Variants in ITIH2 observed in about 807,000 individuals in gnomAD.
The protein encoded by ITIH2 is inter-alpha-trypsin inhibitor heavy chain 2.
ITIH2 carries 103 observed loss-of-function variants against 104.4 expected under a neutral mutation model. The observed-to-expected ratio is 0.99, with a 90% CI of 0.84 to 1.16. ITIH2 has a LOEUF of 1.16. Among genes scored for constraint, ITIH2 ranks in the 50% most tolerant of loss-of-function variants. The pLI is 0.00. For synonymous variants in ITIH2, 436 were observed against 435.4 expected (o/e 1.00, Z -0.02); for missense variants, 1,108 against 1,162.4 (o/e 0.95, Z 0.68).
At chr10:7,725,327 A>G (rs554403444) in intron 9 of ITIH2, among the ~76,000 whole-genome samples, 1 of 152,338 alleles carries the variant, frequency 6.6e-6, no homozygotes, top group Admixed American at 6.5e-5. Flanking sequence ...AGTTGTGCAG[A>G]TATCTAAGGG....
At chr10:7,724,087 T>C (rs1834930658) in intron 9 of ITIH2, among the ~76,000 whole-genome samples, 1 of 152,212 alleles carries the variant, frequency 6.6e-6, no homozygotes, top group African/African-American at 2.4e-5. Flanking sequence ...GAGCTCAATA[T>C]AGGCTTACTT....
chr10:7,738,565 C>G (rs1588460571), intron 15 of ITIH2, 56 bp from the exon 16 acceptor site: 15 of 1,596,734 alleles, frequency 9.4e-6, no homozygotes, highest in Non-Finnish European at 1.3e-5. Flanking sequence ...ACATGGTGAG[C>G]AATTTCCGTG....
intron 5 of ITIH2, among the ~76,000 whole-genome samples, chr10:7,715,729 GCTTA>G (rs1834842390): frequency 6.6e-6 from 1 of 152,164 alleles, no homozygotes; most frequent in Non-Finnish European, 1.5e-5. Context: ...ATCTCACCTT[GCTTA>G]CTTATTTATT....
chr10:7,705,574 C>A (rs1834738900), intron 2 of ITIH2, among the ~76,000 whole-genome samples: 1 of 151,856 alleles, frequency 6.6e-6, no homozygotes, highest in South Asian at 2.1e-4. Context: ...AGCTGGCATG[C>A]ACCTGTAATC....
rs1835141728 is a variant in ITIH2 at position 7,743,035 on chromosome 10, G to A, written c.2096-111G>A. ...GAGGAGTACCGAGCATGTAGGAGAA[G>A]CACAATAAATATTTGTTCTGATTAA... On this transcript the variant is annotated intron_variant, in intron 16 of 20. Coordinates refer to ENST00000358415, the MANE Select transcript of ITIH2 (RefSeq NM_002216.3). The A allele has an allele frequency of 6.1e-6, 4 of 655,456 alleles. No homozygotes were observed. In the South Asian group the frequency reaches 6.2e-5, roughly 10 times the overall value. 40.6% of individuals were successfully genotyped at this position (655,456 alleles called of 1,614,324 possible).
At chr10:7,746,073 A>ATT (rs1564308556) in intron 19 of ITIH2, among the ~76,000 whole-genome samples, 2 of 22,460 alleles carry the variant, frequency 8.9e-5, no homozygotes, top group African/African-American at 1.4e-4. Flanking sequence ...AAATTTAAAA[A>ATT]AAAAAAAAAA....
At chr10:7,739,913 C>T (rs1341133914) in intron 16 of ITIH2, among the ~76,000 whole-genome samples, 3 of 151,900 alleles carry the variant, frequency 2.0e-5, no homozygotes, top group Non-Finnish European at 2.9e-5. Context: ...GGACCGGGCA[C>T]GGTGGCTTAC....
chr10:7,746,769 A>C, intron 20 of ITIH2, 65 bp downstream of exon 20: 1 of 955,064 alleles, frequency 1.0e-6, no homozygotes, highest in Non-Finnish European at 1.7e-6. Context: ...CACACAGCAA[A>C]ATAGAGGAGC....
chr10:7,737,629 C>CTATATATTATATAT (rs1554766661), intron 15 of ITIH2, among the ~76,000 whole-genome samples: 1 of 110,510 alleles, frequency 9.0e-6, no homozygotes, highest in African/African-American at 4.0e-5. Context: ...ATATTATATT[C>CTATATATTATATAT]TATATTCTAT....
intron 3 of ITIH2, among the ~76,000 whole-genome samples, chr10:7,707,446 C>A (rs1180382980): frequency 2.0e-5 from 3 of 151,890 alleles, no homozygotes; most frequent in Admixed American, 6.6e-5. Flanking sequence ...GCTGAAGGGG[C>A]CCTTCTCTTC....
At position 7,746,877 on chromosome 10, in the gene ITIH2, C is replaced by T. The variant is rs1434351786; in HGVS notation, c.2693+173C>T. 5.3e-5 allele frequency among the ~76,000 whole-genome samples: 8 copies of T among 151,442 alleles called. No individual in the cohort carries two copies. The South Asian group carries it at 6.3e-4, about 12-fold the overall frequency. Reference sequence around the variant, plus strand: ...GCATAAGGACACTTCTGATATCCCACGTTAAATGCAAATAATGACTGGGTA... The same window carrying T: ...GCATAAGGACACTTCTGATATCCCATGTTAAATGCAAATAATGACTGGGTA... On this transcript the variant is annotated intron_variant, in intron 20 of 20. Transcript: ENST00000358415.
At chr10:7,719,601 A>G (rs531402614) in intron 6 of ITIH2, among the ~76,000 whole-genome samples, 58 of 151,980 alleles carry the variant, frequency 3.8e-4, no homozygotes, top group African/African-American at 1.4e-3. Flanking sequence ...TACTGAAAAT[A>G]AATAAATAAA....
rs1227442997 is a variant in ITIH2 at position 7,707,312 on chromosome 10, T to G, written c.192+79T>G. On this transcript the variant is annotated intron_variant, in intron 3 of 20. Coordinates refer to ENST00000358415, the MANE Select transcript of ITIH2 (RefSeq NM_002216.3). Reference sequence around the variant, plus strand: ...CAGGAAATCAATCTGGGTGTCTCTTTTTTCTTCATCACCGAGTATTTACCT... The same window carrying G: ...CAGGAAATCAATCTGGGTGTCTCTTGTTTCTTCATCACCGAGTATTTACCT... 1.6e-5 allele frequency: 17 copies of G among 1,032,692 alleles called. No homozygotes were observed. In the Middle Eastern group the frequency reaches 6.2e-4, roughly 38 times the overall value. The allele number at this position is 1,032,692 out of a possible 1,614,324, so 64.0% of individuals were successfully genotyped here. A position where few individuals can be genotyped will look rare whatever the true frequency, so the allele number is the denominator to read the frequency against.
rs1385349458 is a variant in ITIH2, at chr10:7,737,665, T to G, written c.1958-956T>G. On this transcript the variant is annotated intron_variant, in intron 15 of 20. Transcript: ENST00000358415. Reference sequence around the variant, plus strand: ...AGAATATTCTATATTATATTCTATATTATATTCTATATTTTCTATATTATA... The same window carrying G: ...AGAATATTCTATATTATATTCTATAGTATATTCTATATTTTCTATATTATA... 5.5e-4 allele frequency among the ~76,000 whole-genome samples: 17 copies of G among 30,832 alleles called. 1 individual carries two copies. The highest frequency in any genetic ancestry group is 8.8e-4 in the African/African-American group (8 of 9,094). 20.2% of individuals were successfully genotyped at this position (30,832 alleles called of 152,430 possible).
At chr10:7,748,467 G>A (rs1013086951) in intron 20 of ITIH2, among the ~76,000 whole-genome samples, 2 of 134,098 alleles carry the variant, frequency 1.5e-5, no homozygotes, top group East Asian at 2.4e-4. Context: ...AGAAACAGCA[G>A]GTATCACTCT....
At chr10:7,717,833 A>T (rs768758713) in intron 6 of ITIH2, 45 bp downstream of exon 6, 13 of 1,565,730 alleles carry the variant, frequency 8.3e-6, no homozygotes, top group African/African-American at 1.4e-5. Context: ...GTCCTTTTAT[A>T]GTCTCTGACC....
At chr10:7,730,176 CATT>C (rs760454367) in intron 12 of ITIH2, 43 bp downstream of exon 12, 3 of 1,394,624 alleles carry the variant, frequency 2.2e-6, no homozygotes, top group Non-Finnish European at 3.0e-6. Flanking sequence ...CACTGGAAAT[CATT>C]TAACTACCCA....
In ITIH2 at chr10:7,744,152, A is replaced by G; in HGVS notation, c.2280A>G (p.Gly760=). 1 of 1,614,142 alleles carries G rather than the reference A, an allele frequency of 6.2e-7. No homozygotes were observed. The change falls in exon 18 of 21, where the codon GGA becomes GGG. Residue 760 remains glycine, a synonymous_variant. Coordinates refer to ENST00000358415, the MANE Select transcript of ITIH2 (RefSeq NM_002216.3). ...ATGGAAAACTAAGCACCTATTTTGG[A>G]AAACTGGGATTTTATTTCCAAAGTG... ...PNNGKLSTYF[G]KLGFYFQSED...
chr10:7,712,048 G>A (rs1254107562), intron 4 of ITIH2, among the ~76,000 whole-genome samples: 1 of 152,144 alleles, frequency 6.6e-6, no homozygotes, highest in Admixed American at 6.5e-5. Flanking sequence ...ACCTTGGCAG[G>A]GGACCCACCA....
Sources: gnomAD v4.1 joint callset for allele counts (sites outside exome capture counted in the v4.1 genomes callset) on GRCh38, gnomAD v4.1.1 for gene constraint, MANE v1.5 for transcripts, NCBI Gene and HGNC (gene_info 2026-07-23, HGNC 2026-07-21) for gene names.